TJP1: variants seen among roughly 807,000 people sequenced by gnomAD.
TJP1 encodes the protein tight junction protein ZO-1.
Under a neutral mutation model 194.2 loss-of-function variants are expected in TJP1, and 43 were observed. The observed-to-expected ratio is 0.22, with a 90% confidence interval of 0.17 to 0.29. TJP1 has a LOEUF of 0.29. Among genes scored for constraint, TJP1 ranks in the 10% least tolerant of loss-of-function variants. TJP1 has a pLI of 1.00. For missense variants in TJP1, 1,971 were observed against 2,185.7 expected (o/e 0.90, Z 1.96); for synonymous variants, 801 against 779.0 (o/e 1.03, Z -0.47).
intron 1 of TJP1, among the ~76,000 whole-genome samples, chr15:29,815,239 A>AT (rs1347228091): frequency 6.6e-6 from 1 of 152,206 alleles, no homozygotes; most frequent in Non-Finnish European, 1.5e-5. Context: ...CAAAAGTCTT[A>AT]TTTTTATTGC....
chr15:29,736,447 G>C (rs1289633444), intron 11 of TJP1, among the ~76,000 whole-genome samples: 2 of 152,314 alleles, frequency 1.3e-5, no homozygotes, highest in South Asian at 2.1e-4. Flanking sequence ...AAAGAGACCA[G>C]AATAGAGAGG....
intron 8 of TJP1, chr15:29,760,264 A>G (rs918095094): frequency 3.0e-5 from 21 of 702,128 alleles, no homozygotes; most frequent in Non-Finnish European, 4.7e-5. Context: ...TTTTCTGGAG[A>G]GAAGGATCAT....
At chr15:29,841,472 G>A in intron 2 of TJP1, among the ~76,000 whole-genome samples, 1 of 152,074 alleles carries the variant, frequency 6.6e-6, no homozygotes. Context: ...CTATTTAATT[G>A]GAGATACAGT....
upstream of TJP1, among the ~76,000 whole-genome samples, chr15:29,825,729 T>G (rs574238542): frequency 1.3e-5 from 2 of 152,326 alleles, no homozygotes; most frequent in Admixed American, 1.3e-4. Context: ...ACAATCTCGA[T>G]AATGTCAGAG....
intron 2 of TJP1, among the ~76,000 whole-genome samples, chr15:29,854,666 C>A (rs949661514): frequency 6.6e-6 from 1 of 152,118 alleles, no homozygotes; most frequent in African/African-American, 2.4e-5. Flanking sequence ...CTAAAGTCAC[C>A]AAGTGTGTGG....
chr15:29,842,704 A>G (rs1469366803), intron 2 of TJP1, among the ~76,000 whole-genome samples: 6 of 152,332 alleles, frequency 3.9e-5, no homozygotes, highest in Middle Eastern at 6.8e-3. Context: ...AGGAAGGCCA[A>G]TATATGATCA....
At chr15:29,941,570 C>T (rs1038075644) in intron 2 of TJP1, among the ~76,000 whole-genome samples, 5 of 152,204 alleles carry the variant, frequency 3.3e-5, no homozygotes, top group African/African-American at 9.6e-5. Flanking sequence ...CATCTCCGGT[C>T]CCCCCTCTGC....
rs148552029 is a variant in TJP1 at position 29,718,004 on chromosome 15, G to A, written c.3974+17C>T. ...CCTGGTCAGTTCTATGCCACAAAGA[G>A]CACAAAGTGTACTCACCTGTACAGA... On this transcript the variant is annotated intron_variant, in intron 22 of 27. Transcript: ENST00000614355. 8 of 1,597,924 alleles carry A rather than the reference G, an allele frequency of 5.0e-6. No individual in the cohort carries two copies. The Admixed American group carries it at 1.0e-4, about 21-fold the overall frequency.
intron 2 of TJP1, among the ~76,000 whole-genome samples, chr15:29,780,356 C>A (rs1027916532): frequency 4.6e-5 from 7 of 151,914 alleles, no homozygotes; most frequent in Non-Finnish European, 8.8e-5. Flanking sequence ...AAGGAGTGTG[C>A]AACCTAGATC....
chr15:29,699,528 T>G (rs2041418724), downstream of TJP1: 1 of 152,164 alleles, frequency 6.6e-6, no homozygotes. Flanking sequence ...AAATAAACAG[T>G]ATGTGTTTGT....
chr15:29,882,771 C>G (rs1233858248), intron 2 of TJP1, among the ~76,000 whole-genome samples: 1 of 152,126 alleles, frequency 6.6e-6, no homozygotes, highest in African/African-American at 2.4e-5. Context: ...TTTTTAAAAA[C>G]CTGCTGGATC....
intron 4 of TJP1, among the ~76,000 whole-genome samples, chr15:29,769,714 C>T (rs1303778807): frequency 6.6e-6 from 1 of 152,046 alleles, no homozygotes; most frequent in Non-Finnish European, 1.5e-5. Context: ...GTCATAATGT[C>T]GTGGGTGCAC....
chr15:29,708,295 T>G (rs556863879), intron 25 of TJP1, among the ~76,000 whole-genome samples: 1 of 152,134 alleles, frequency 6.6e-6, no homozygotes, highest in South Asian at 2.1e-4. Context: ...GCAAACTGCT[T>G]ACTGTCACTC....
At chr15:29,941,155 T>C (rs759702182) in intron 2 of TJP1, among the ~76,000 whole-genome samples, 2 of 152,210 alleles carry the variant, frequency 1.3e-5, no homozygotes, top group Non-Finnish European at 2.9e-5. Flanking sequence ...AATGACCTCC[T>C]ACGACCGCAG....
At chr15:29,916,024 C>A (rs2054172190) in intron 2 of TJP1, among the ~76,000 whole-genome samples, 1 of 152,176 alleles carries the variant, frequency 6.6e-6, no homozygotes, top group South Asian at 2.1e-4. Flanking sequence ...GCGGGCGGAT[C>A]ACCTGAGGTC....
chr15:29,862,172 T>C (rs918564493), intron 2 of TJP1, among the ~76,000 whole-genome samples: 6 of 152,188 alleles, frequency 3.9e-5, no homozygotes, highest in East Asian at 1.9e-4. Flanking sequence ...AGAAAGATCA[T>C]GTTAAAATTA....
At chr15:29,807,347 A>G (rs2049177351) in intron 1 of TJP1, among the ~76,000 whole-genome samples, 1 of 152,212 alleles carries the variant, frequency 6.6e-6, no homozygotes, top group Admixed American at 6.5e-5. Flanking sequence ...ATATTGAGAA[A>G]ATCTCAGTAG....
chr15:29,804,589 G>A (rs1595956509), intron 1 of TJP1, among the ~76,000 whole-genome samples: 3 of 152,190 alleles, frequency 2.0e-5, no homozygotes, highest in East Asian at 3.9e-4. Context: ...CCAGGTAGGA[G>A]GAGTCTCACT....
intron 1 of TJP1, among the ~76,000 whole-genome samples, chr15:29,803,473 G>C (rs1420888838): frequency 3.3e-5 from 5 of 152,154 alleles, no homozygotes; most frequent in African/African-American, 4.8e-5. Context: ...GCTGGGCTAA[G>C]CTTATGATAC....
Sources: gnomAD v4.1 joint callset for allele counts (sites outside exome capture counted in the v4.1 genomes callset) on GRCh38, gnomAD v4.1.1 for gene constraint, MANE v1.5 for transcripts, NCBI Gene and HGNC (gene_info 2026-07-23, HGNC 2026-07-21) for gene names.